ALK: variants seen among roughly 807,000 people sequenced by gnomAD.
ALK encodes ALK tyrosine kinase receptor.
ALK carries 74 observed loss-of-function variants against 163.1 expected under a neutral mutation model. The observed-to-expected ratio is 0.45, with a 90% CI of 0.38 to 0.55. The LOEUF (loss-of-function observed/expected upper bound fraction) is 0.55. Among genes scored for constraint, ALK ranks in the 20% least tolerant of loss-of-function variants. ALK has a pLI of 0.00. For missense variants in ALK, 2,063 were observed against 2,105.3 expected, an observed-to-expected ratio of 0.98 and a Z score of 0.39; for synonymous variants, 960 against 843.2, an observed-to-expected ratio of 1.14 and a Z score of -2.40.
At chr2:29,810,507 T>C (rs778541610) in intron 1 of ALK, among the ~76,000 whole-genome samples, 3 of 151,726 alleles carry the variant, frequency 2.0e-5, no homozygotes, top group African/African-American at 4.8e-5. Context: ...GCATTTTTAG[T>C]TGGGTATGAC....
chr2:29,734,543 CA>C (rs150413423), intron 1 of ALK, among the ~76,000 whole-genome samples: 3,530 of 152,122 alleles, frequency 0.023, 126 homozygotes, highest in African/African-American at 0.079. Context: ...TCTTTACTAT[CA>C]AAATGAGCAA....
rs1057336445 is a variant in ALK, at chr2:29,233,481, G to T, written c.2487+84C>A. On this transcript the variant is annotated intron_variant, in intron 14 of 28. Coordinates refer to ENST00000389048, the MANE Select transcript of ALK (RefSeq NM_004304.5). The stretch of plus-strand genomic sequence containing the variant: ...TTACACGGGGATAAGAGCATCTGAG[G>T]TGTTTCTATCCCAGGGCTGTCATGA... The T allele has an allele frequency of 1.3e-5, 21 of 1,577,320 alleles. 1 individual carries two copies. The highest frequency in any genetic ancestry group is 1.1e-4 in the East Asian group (5 of 44,716).
chr2:29,207,043 G>T, intron 26 of ALK, 128 bp downstream of exon 26: 1 of 749,874 alleles, frequency 1.3e-6, no homozygotes. Context: ...ACTGTTGTCG[G>T]GTGTATTGAT....
At chr2:29,659,693 C>T (rs1677292136) in intron 3 of ALK, among the ~76,000 whole-genome samples, 1 of 152,144 alleles carries the variant, frequency 6.6e-6, no homozygotes, top group South Asian at 2.1e-4. Flanking sequence ...CATCTGTCCC[C>T]AGAGACCAGG....
At chr2:29,248,355 C>T (rs968718434) in intron 12 of ALK, among the ~76,000 whole-genome samples, 1 of 152,058 alleles carries the variant, frequency 6.6e-6, no homozygotes, top group African/African-American at 2.4e-5. Flanking sequence ...TGCAGCTACT[C>T]GAGAGGCTGA....
intron 1 of ALK, among the ~76,000 whole-genome samples, chr2:29,909,307 A>G (rs999717727): frequency 1.3e-5 from 2 of 152,236 alleles, no homozygotes; most frequent in African/African-American, 4.8e-5. Flanking sequence ...GCCTAGAGGC[A>G]TTTACCAGAC....
At chr2:29,851,561 A>C (rs140031983) in intron 1 of ALK, among the ~76,000 whole-genome samples, 1 of 152,164 alleles carries the variant, frequency 6.6e-6, no homozygotes, top group Non-Finnish European at 1.5e-5. Flanking sequence ...CTTAGGTAGG[A>C]ATCAGGCACT....
At chr2:29,558,775 A>C (rs1673933558) in intron 3 of ALK, among the ~76,000 whole-genome samples, 1 of 152,046 alleles carries the variant, frequency 6.6e-6, no homozygotes, top group Admixed American at 6.6e-5. Context: ...CTTTCTCCCC[A>C]AGGCATGAAC....
chr2:29,231,341 C>CA (rs1361733087), intron 15 of ALK, among the ~76,000 whole-genome samples: 1 of 151,892 alleles, frequency 6.6e-6, no homozygotes, highest in East Asian at 1.9e-4. Context: ...GTCTCAAAAA[C>CA]AAAAAACAAA....
At chr2:29,846,198 C>T (rs895490700) in intron 1 of ALK, among the ~76,000 whole-genome samples, 1 of 152,196 alleles carries the variant, frequency 6.6e-6, no homozygotes, top group African/African-American at 2.4e-5. Flanking sequence ...GTTTCTTGAA[C>T]ACACCACGCT....
chr2:29,809,362 AT>A (rs1458830736), intron 1 of ALK, among the ~76,000 whole-genome samples: 1 of 152,222 alleles, frequency 6.6e-6, no homozygotes, highest in Non-Finnish European at 1.5e-5. Context: ...TGAAATCAAG[AT>A]GGCTTTCTGA....
chr2:29,311,494 A>G (rs778387796), intron 8 of ALK, among the ~76,000 whole-genome samples: 18 of 152,344 alleles, frequency 1.2e-4, no homozygotes, highest in Admixed American at 5.2e-4. Flanking sequence ...TTTGTGTCCA[A>G]ACAAATAGGT....
chr2:29,652,294 C>T (rs1174369881), intron 3 of ALK, among the ~76,000 whole-genome samples: 1 of 151,946 alleles, frequency 6.6e-6, no homozygotes, highest in South Asian at 2.1e-4. Flanking sequence ...GGGTCTGCTG[C>T]CCATAGTGAA....
chr2:29,550,904 G>C (rs1673699103), intron 3 of ALK, among the ~76,000 whole-genome samples: 1 of 151,966 alleles, frequency 6.6e-6, no homozygotes, highest in African/African-American at 2.4e-5. Context: ...ATTGTCGTAA[G>C]CATCCTCTAT....
chr2:29,309,015 T>G (rs987822410), intron 8 of ALK, among the ~76,000 whole-genome samples: 7 of 152,168 alleles, frequency 4.6e-5, no homozygotes, highest in Non-Finnish European at 8.8e-5. Context: ...GGTGTGATCC[T>G]GGGCAAACGG....
At chr2:29,207,061 T>C (rs2148151615) in intron 26 of ALK, 110 bp downstream of exon 26, 1 of 826,020 alleles carries the variant, frequency 1.2e-6, no homozygotes, top group Non-Finnish European at 2.1e-6. Context: ...GATTCTTCTC[T>C]TTTCCCTCCC....
chr2:29,198,848 C>G (rs1669087781), intron 26 of ALK, among the ~76,000 whole-genome samples: 1 of 152,008 alleles, frequency 6.6e-6, no homozygotes, highest in South Asian at 2.1e-4. Flanking sequence ...TTTTTATCTG[C>G]TGGGACAAAT....
At chr2:29,687,495 T>C (rs1301428565) in intron 3 of ALK, among the ~76,000 whole-genome samples, 2 of 151,846 alleles carry the variant, frequency 1.3e-5, no homozygotes, top group Non-Finnish European at 2.9e-5. Context: ...GATAACTCAA[T>C]AGAATAGTCT....
chr2:29,623,699 T>C (rs1356318039), intron 3 of ALK, among the ~76,000 whole-genome samples: 5 of 152,216 alleles, frequency 3.3e-5, no homozygotes, highest in African/African-American at 1.2e-4. Context: ...TGATATAAAA[T>C]TCATCTAGAG....
Sources: gnomAD v4.1 joint callset for allele counts (sites outside exome capture counted in the v4.1 genomes callset) on GRCh38, gnomAD v4.1.1 for gene constraint, MANE v1.5 for transcripts, NCBI Gene and HGNC (gene_info 2026-07-23, HGNC 2026-07-21) for gene names.